The following ATP8B4 variants were observed in gnomAD, a reference collection of about 807,000 sequenced individuals.
The protein encoded by ATP8B4 is ATPase phospholipid transporting 8B4 (putative).
In ATP8B4, 133 loss-of-function variants were observed where a neutral mutation model predicts 145.6. That is an observed-to-expected ratio of 0.91 (90% CI 0.79 to 1.05). ATP8B4 has a LOEUF of 1.05. ATP8B4 is among the 50% of genes least tolerant of loss of function. The pLI is 0.00. For synonymous variants in ATP8B4, 507 were observed against 492.9 expected (o/e 1.03, Z -0.38); for missense variants, 1,458 against 1,425.2 (o/e 1.02, Z -0.37).
At chr15:49,869,060 C>T (rs1385703585) in intron 25 of ATP8B4, among the ~76,000 whole-genome samples, 1 of 152,082 alleles carries the variant, frequency 6.6e-6, no homozygotes, top group African/African-American at 2.4e-5. Context: ...AGGCAGGCGC[C>T]ACCATGCCTG....
intron 16 of ATP8B4, among the ~76,000 whole-genome samples, chr15:49,927,201 G>C (rs74012844): frequency 0.057 from 8,709 of 152,058 alleles, 863 homozygotes; most frequent in African/African-American, 0.2. Flanking sequence ...CAATTTTTAT[G>C]TAGATACTTC....
At chr15:49,870,377 G>A (rs1047781473) in intron 25 of ATP8B4, among the ~76,000 whole-genome samples, 2 of 152,160 alleles carry the variant, frequency 1.3e-5, no homozygotes, top group East Asian at 3.8e-4. Context: ...GGAAGGAAAG[G>A]AAGATGGTTC....
chr15:50,043,816 G>A (rs1199451945), intron 5 of ATP8B4, among the ~76,000 whole-genome samples: 4 of 151,588 alleles, frequency 2.6e-5, no homozygotes, highest in East Asian at 1.9e-4. Context: ...AGCCGGGCGC[G>A]GTGGCGGGCG....
At chr15:49,942,167 A>G (rs1338848047) in intron 14 of ATP8B4, among the ~76,000 whole-genome samples, 1 of 152,176 alleles carries the variant, frequency 6.6e-6, no homozygotes, top group Non-Finnish European at 1.5e-5. Flanking sequence ...ACCAAAAACC[A>G]CTTGTACCCC....
At chr15:50,072,763 C>T (rs1233907155) in intron 3 of ATP8B4, among the ~76,000 whole-genome samples, 2 of 151,114 alleles carry the variant, frequency 1.3e-5, no homozygotes, top group South Asian at 2.1e-4. Flanking sequence ...GTAGCTGGGA[C>T]TACAGGCGCC....
At chr15:49,923,860 G>A (rs1289053780) in intron 16 of ATP8B4, among the ~76,000 whole-genome samples, 1 of 152,160 alleles carries the variant, frequency 6.6e-6, no homozygotes, top group Non-Finnish European at 1.5e-5. Flanking sequence ...GTCTCCTGGT[G>A]TGAAATTCAA....
intron 2 of ATP8B4, among the ~76,000 whole-genome samples, chr15:50,099,308 C>T (rs2056198117): frequency 6.6e-6 from 1 of 151,972 alleles, no homozygotes; most frequent in African/African-American, 2.4e-5. Flanking sequence ...GAGACTAGGT[C>T]CCAGTCTGTC....
intron 13 of ATP8B4, among the ~76,000 whole-genome samples, chr15:49,965,796 C>T (rs1355289006): frequency 6.6e-6 from 1 of 152,070 alleles, no homozygotes; most frequent in Non-Finnish European, 1.5e-5. Context: ...TTCAGCACTA[C>T]AAAACAGAAT....
intron 1 of ATP8B4, among the ~76,000 whole-genome samples, chr15:50,126,157 C>A (rs2057305759): frequency 6.6e-6 from 1 of 151,050 alleles, no homozygotes; most frequent in African/African-American, 2.4e-5. Flanking sequence ...CACGGGAAAC[C>A]CTCAGAACAA....
chr15:50,016,132 A>G (rs985746618), intron 6 of ATP8B4, among the ~76,000 whole-genome samples: 1 of 152,232 alleles, frequency 6.6e-6, no homozygotes, highest in Non-Finnish European at 1.5e-5. Context: ...AAACAAAATG[A>G]TCAACTCACT....
chr15:50,177,596 C>T (rs76774453), intron 1 of ATP8B4, among the ~76,000 whole-genome samples: 1 of 152,136 alleles, frequency 6.6e-6, no homozygotes, highest in Non-Finnish European at 1.5e-5. Context: ...GGGTAGGATC[C>T]TCCCAGAGCC....
At chr15:49,969,708 T>A (rs963312907) in intron 13 of ATP8B4, among the ~76,000 whole-genome samples, 1 of 152,218 alleles carries the variant, frequency 6.6e-6, no homozygotes, top group African/African-American at 2.4e-5. Flanking sequence ...GAGGAGCTGG[T>A]ACCATTCCTT....
Position 49,985,502 on chromosome 15 carries a change from G to A in ATP8B4, c.748+1889C>T, listed in dbSNP as rs922312061. On this transcript the variant is annotated intron_variant, in intron 10 of 27. Transcript: ENST00000284509. ...CCATTTGTTCATCTCCGACACGGAC[G>A]AAGCCAACCACTAATTCTTCTGTTT... is the stretch of plus-strand genomic sequence containing the variant. 1.3e-3 allele frequency among the ~76,000 whole-genome samples: 200 copies of A among 152,250 alleles called. 1 individual carries two copies. The highest frequency in any genetic ancestry group is 4.4e-3 in the African/African-American group (183 of 41,556).
chr15:49,861,193 C>T (rs928513521), intron 27 of ATP8B4, among the ~76,000 whole-genome samples: 1 of 152,042 alleles, frequency 6.6e-6, no homozygotes, highest in African/African-American at 2.4e-5. Flanking sequence ...AGGAGAAAAC[C>T]ATCAAGCAGA....
rs553123059 is a variant in ATP8B4 at position 50,023,173 on chromosome 15, G to A, written c.363-12256C>T. Among the ~76,000 whole-genome samples, 56 of 152,182 alleles carry A rather than the reference G, an allele frequency of 3.7e-4. 1 individual carries two copies. The South Asian group carries it at 0.011, about 31-fold the overall frequency. On this transcript the variant is annotated intron_variant, in intron 6 of 27. Coordinates refer to ENST00000284509, the MANE Select transcript of ATP8B4 (RefSeq NM_024837.4). ...CTCTCTGCTTTCTAGTGATCAAGGG[G>A]TTTCAAGACCTTATGGTCTTATTTA...
chr15:50,070,786 G>C (rs1324161574), intron 3 of ATP8B4, among the ~76,000 whole-genome samples: 1 of 152,130 alleles, frequency 6.6e-6, no homozygotes, highest in Non-Finnish European at 1.5e-5. Flanking sequence ...TGTAACCCAG[G>C]CTGGACTGCA....
At chr15:50,029,257 A>AAAAAAAG (rs2050257541) in intron 6 of ATP8B4, among the ~76,000 whole-genome samples, 1 of 149,918 alleles carries the variant, frequency 6.7e-6, no homozygotes, top group East Asian at 2.0e-4. Context: ...AAAAAAAAAA[A>AAAAAAAG]CAGAAAAATA....
chr15:49,925,820 T>A (rs936983226), intron 16 of ATP8B4, among the ~76,000 whole-genome samples: 1 of 152,194 alleles, frequency 6.6e-6, no homozygotes, highest in East Asian at 1.9e-4. Context: ...TTTATATCTC[T>A]TTTCTTCCAA....
In ATP8B4 at chr15:49,876,463, G is replaced by T. The variant is rs1222775837; in HGVS notation, c.2842C>A (p.Leu948Met). 1.2e-6 allele frequency: 2 copies of T among 1,614,130 alleles called. No individual in the cohort carries two copies. The highest frequency in any genetic ancestry group is 2.2e-5 in the South Asian group (2 of 91,088). Residue 948 changes from leucine (L) to methionine (M), a missense_variant, in exon 25 of 28, where the codon CTG (leucine) becomes ATG (methionine). By Grantham distance (15) the Leu-to-Met change is conservative. Transcript: ENST00000284509. ...AAAAATTTACGCTTGTTAAAAAGCAGATTCAGCTGTCCTGGTTTGTAGAGC... is the reference window on the plus strand; with the variant it reads ...AAAAATTTACGCTTGTTAAAAAGCATATTCAGCTGTCCTGGTTTGTAGAGC... Reference protein sequence around the residue: ...PQLYKPGQLNLLFNKRKFFIC... With the variant: ...PQLYKPGQLNMLFNKRKFFIC...
Sources: gnomAD v4.1 joint callset for allele counts (sites outside exome capture counted in the v4.1 genomes callset) on GRCh38, gnomAD v4.1.1 for gene constraint, MANE v1.5 for transcripts, NCBI Gene and HGNC (gene_info 2026-07-23, HGNC 2026-07-21) for gene names.